The following MIOS variants were observed in gnomAD, a reference collection of about 807,000 sequenced individuals.
The protein encoded by MIOS is GATOR2 complex protein MIOS.
A neutral mutation model predicts 96.9 loss-of-function variants in MIOS; 52 were observed. The observed-to-expected ratio is 0.54, with a 90% CI of 0.43 to 0.68. MIOS has a LOEUF of 0.68. Among genes scored for constraint, MIOS ranks in the 30% least tolerant of loss-of-function variants. The pLI is 0.00. For synonymous variants in MIOS, 397 were observed against 359.5 expected (o/e 1.10, Z -1.18); for missense variants, 1,005 against 1,052.8 (o/e 0.95, Z 0.63).
Position 7,580,618 on chromosome 7 carries a change from A to G in MIOS, c.1394-2500A>G, listed in dbSNP as rs536020526. On this transcript the variant is annotated intron_variant, in intron 5 of 12. Coordinates refer to ENST00000340080, the MANE Select transcript of MIOS (RefSeq NM_019005.4). ...TAGACTTGCCACAGCCTAAAATCAG[A>G]TAATCACACAAGGTTTTTAAAAGTA... Among the ~76,000 whole-genome samples the G allele has an allele frequency of 2.0e-5, 3 of 152,170 alleles. No homozygotes were observed. The East Asian group carries it at 5.8e-4, about 29-fold the overall frequency.
chr7:7,603,048 A>C (rs549323838), intron 11 of MIOS, among the ~76,000 whole-genome samples: 1 of 152,004 alleles, frequency 6.6e-6, no homozygotes, highest in Non-Finnish European at 1.5e-5. Context: ...TCCCTTCCTT[A>C]CACCTTATAC....
chr7:7,583,213 T>C lies in MIOS; in HGVS notation c.1489T>C (p.Cys497Arg). Residue 497 changes from cysteine to arginine, a missense_variant, in exon 6 of 13, where the codon TGT (cysteine) becomes CGT (arginine). Cys to Arg is a radical substitution (Grantham distance 180, BLOSUM62 -3). This residue lies in a region of MIOS where 865 missense variants were observed against 887.9 expected (regional missense o/e 0.97). Transcript: ENST00000340080. ...NEERILALQL[C>R]GWIKKGTDVD... The stretch of plus-strand genomic sequence containing the variant: ...AGAGAGAATCTTAGCTTTACAGCTT[T>C]GTGGGTGGATAAAGAAAGGAACGGA... 1 of 1,614,166 alleles carries C rather than the reference T, an allele frequency of 6.2e-7. No homozygotes were observed. The highest frequency in any genetic ancestry group is 8.5e-7 in the Non-Finnish European group (1 of 1,180,008).
intron 8 of MIOS, among the ~76,000 whole-genome samples, chr7:7,588,767 GTA>G (rs1191281840): frequency 6.6e-6 from 1 of 152,092 alleles, no homozygotes; most frequent in Non-Finnish European, 1.5e-5. Flanking sequence ...CAATATTTTA[GTA>G]TATTTCTTCT....
Position 7,572,451 on chromosome 7 carries a change from G to A in MIOS, c.-25G>A. 1 of 1,557,930 alleles carries A rather than the reference G, an allele frequency of 6.4e-7. No individual in the cohort carries two copies. Among genetic ancestry groups the A allele is most frequent in the Non-Finnish European group, 8.8e-7 (1 of 1,139,486 alleles). On this transcript the variant is annotated 5_prime_UTR_variant, in exon 4 of 13. Transcript: ENST00000340080. This position sits in a 1 kb window ranked among gnomAD's most constrained non-coding sequence, Gnocchi z 4.8. ...ACATTTTCAGTGAATGGACCTGAGT[G>A]GACCCTTTGATCACATCAGTAAACA...
intron 8 of MIOS, 136 bp from the exon 9 acceptor site, chr7:7,589,269 A>T: frequency 1.4e-6 from 1 of 703,762 alleles, no homozygotes; most frequent in Non-Finnish European, 2.3e-6. Flanking sequence ...CTTCTTAGTT[A>T]AATATTTATA....
chr7:7,579,236 A>G (rs1783634568), intron 5 of MIOS, among the ~76,000 whole-genome samples: 1 of 152,316 alleles, frequency 6.6e-6, no homozygotes, highest in East Asian at 1.9e-4. Flanking sequence ...CATATTGCTT[A>G]TTTGATAATT....
At chr7:7,596,680 C>G (rs1411423293) in intron 11 of MIOS, among the ~76,000 whole-genome samples, 1 of 152,060 alleles carries the variant, frequency 6.6e-6, no homozygotes, top group Non-Finnish European at 1.5e-5. Context: ...CAAGTTCTGA[C>G]CAATTTAAAG....
chr7:7,574,939 G>T (rs764988931), intron 5 of MIOS, among the ~76,000 whole-genome samples: 2 of 152,072 alleles, frequency 1.3e-5, no homozygotes, highest in Non-Finnish European at 2.9e-5. Flanking sequence ...AAATATTTGC[G>T]TTATATACTT....
At position 7,583,324 on chromosome 7, in the gene MIOS, A is replaced by G; in HGVS notation, c.1600A>G (p.Ile534Val). The G allele has an allele frequency of 2.5e-6, 4 of 1,613,898 alleles. No individual in the cohort carries two copies. The highest frequency in any genetic ancestry group is 2.5e-6 in the Non-Finnish European group (3 of 1,179,824). ...TGCTGTGGCATTGTTCAACTTGGAT[A>G]TTCGCCGAGCAATCCAAATCCTGAA... is the stretch of plus-strand genomic sequence containing the variant. ...AAAVALFNLD[I>V]RRAIQILNEG... Residue 534 changes from isoleucine (I) to valine (V), a missense_variant, in exon 6 of 13, where the codon ATT becomes GTT. By Grantham distance (29) the Ile-to-Val change is conservative. Transcript: ENST00000340080.
chr7:7,597,805 T>A (rs1481725500), intron 11 of MIOS, among the ~76,000 whole-genome samples: 2 of 151,788 alleles, frequency 1.3e-5, no homozygotes, highest in Non-Finnish European at 2.9e-5. Flanking sequence ...TCCTGCCTCC[T>A]GGGCTCAGGT....
chr7:7,591,197 A>G (rs1784038565), intron 9 of MIOS, among the ~76,000 whole-genome samples: 1 of 152,014 alleles, frequency 6.6e-6, no homozygotes, highest in Admixed American at 6.6e-5. Context: ...TCAACACTTT[A>G]AAGATGTAGT....
chr7:7,585,408 A>T (rs1249592131), intron 6 of MIOS, among the ~76,000 whole-genome samples: 1 of 131,482 alleles, frequency 7.6e-6, no homozygotes. Flanking sequence ...CAAAACCCAA[A>T]CCCCCCCCTT....
chr7:7,583,200 A>G lies in MIOS; in HGVS notation c.1476A>G (p.Leu492=), dbSNP rs373445968. ...AAAATTTAAATGAAGAGAGAATCTT[A>G]GCTTTACAGCTTTGTGGGTGGATAA... is the stretch of plus-strand genomic sequence containing the variant. The part of the protein sequence containing the change: ...DIQNLNEERI[L]ALQLCGWIKK... Residue 492 remains leucine, a synonymous_variant, in exon 6 of 13, where the codon TTA becomes TTG. Transcript: ENST00000340080. The G allele has an allele frequency of 1.2e-6, 2 of 1,614,100 alleles. No homozygotes were observed. The highest frequency in any genetic ancestry group is 2.7e-5 in the African/African-American group (2 of 74,952).
rs1214063903 is a variant in MIOS, at chr7:7,568,129, G to A, written c.-41+6G>A. 6.6e-6 allele frequency: 1 copy of A among 152,140 alleles called. No individual in the cohort carries two copies. The highest frequency in any genetic ancestry group is 2.4e-5 in the African/African-American group (1 of 41,410). The allele number at this position is 152,140 out of a possible 1,614,324, so 9.4% of individuals were successfully genotyped here. A position where few individuals can be genotyped will look rare whatever the true frequency, so the allele number is the denominator to read the frequency against. On this transcript the variant is annotated splice_donor_region_variant and intron_variant, in intron 3 of 12. Coordinates refer to ENST00000340080, the MANE Select transcript of MIOS (RefSeq NM_019005.4). ...AGACTTGTTAAACTTGAAAGGTGAGGATATAAATACAAGCTGTAATTATTG... is the reference window on the plus strand; with the variant it reads ...AGACTTGTTAAACTTGAAAGGTGAGAATATAAATACAAGCTGTAATTATTG...
chr7:7,578,256 C>G (rs1007861687), intron 5 of MIOS, among the ~76,000 whole-genome samples: 1 of 152,180 alleles, frequency 6.6e-6, no homozygotes, highest in African/African-American at 2.4e-5. Flanking sequence ...GAGGGAATCT[C>G]TTCTACAGAC....
rs367794399 is a variant in MIOS at position 7,574,143 on chromosome 7, A to G, written c.1340A>G (p.Asn447Ser). The change falls in exon 5 of 13, where the codon AAC becomes AGC. Residue 447 changes from asparagine (N) to serine (S), a missense_variant. Asn to Ser is a conservative substitution (Grantham distance 46, BLOSUM62 1). Coordinates refer to ENST00000340080, the MANE Select transcript of MIOS (RefSeq NM_019005.4). ...TEDMDQKSPG[N>S]KGSLVYAGIK... ...GATATGGATCAGAAATCTCCAGGCA[A>G]CAAAGGATCATTGGTTTATGCAGGA... 5 of 1,611,308 alleles carry G rather than the reference A, an allele frequency of 3.1e-6. No homozygotes were observed. In the African/African-American group the frequency reaches 5.3e-5, roughly 17 times the overall value.
chr7:7,580,282 C>T (rs1177837420), intron 5 of MIOS, among the ~76,000 whole-genome samples: 2 of 152,084 alleles, frequency 1.3e-5, no homozygotes, highest in African/African-American at 2.4e-5. Context: ...CTTAAAAATC[C>T]ACTTTCATAA....
At chr7:7,589,632 G>A (rs954368434) in intron 9 of MIOS, 69 bp downstream of exon 9, 22 of 1,501,522 alleles carry the variant, frequency 1.5e-5, no homozygotes, top group Non-Finnish European at 2.0e-5. Flanking sequence ...TCAGTTGAAA[G>A]TAAATATGCA....
intron 5 of MIOS, among the ~76,000 whole-genome samples, chr7:7,575,863 A>G (rs921963945): frequency 6.7e-6 from 1 of 149,664 alleles, no homozygotes; most frequent in Admixed American, 6.7e-5. Flanking sequence ...TCATTCTCTC[A>G]TTGCTAGGTT....
Sources: gnomAD v4.1 joint callset for allele counts (sites outside exome capture counted in the v4.1 genomes callset) on GRCh38, gnomAD v4.1.1 for gene constraint, gnomAD v4.1.1 regional missense constraint, Gnocchi (gnomAD v3.1) non-coding constraint, MANE v1.5 for transcripts, NCBI Gene and HGNC (gene_info 2026-07-23, HGNC 2026-07-21) for gene names.